Variants in VGLL4 observed in about 807,000 individuals in gnomAD.
The protein encoded by VGLL4 is transcription cofactor vestigial-like protein 4.
A neutral mutation model predicts 21.0 loss-of-function variants in VGLL4; 7 were observed. The observed-to-expected ratio is 0.33, with a 90% CI of 0.19 to 0.63. The LOEUF is 0.63. Among genes scored for constraint, VGLL4 ranks in the 20% least tolerant of loss-of-function variants. The pLI is 0.78. For missense variants in VGLL4, 394 were observed against 425.7 expected, an observed-to-expected ratio of 0.93 and a Z score of 0.66; for synonymous variants, 222 against 173.2, an observed-to-expected ratio of 1.28 and a Z score of -2.21.
At chr3:11,716,738 T>A (rs548568312) in intron 1 of VGLL4, among the ~76,000 whole-genome samples, 23 of 152,182 alleles carry the variant, frequency 1.5e-4, no homozygotes, top group Non-Finnish European at 2.9e-4. Flanking sequence ...ACCTTGGCAG[T>A]TTGTATCTGC....
At position 11,623,633 on chromosome 3, in the gene VGLL4, G is replaced by GT. The variant is rs113728036; in HGVS notation, c.82+19803dup. On this transcript the variant is annotated intron_variant, in intron 1 of 4. Coordinates refer to ENST00000430365, the MANE Select transcript of VGLL4 (RefSeq NM_001128219.3). ...GTCTAACTGTCTGCAGGTGACAAAT[G>GT]TATTTCTGAAAATTAGATAGTAAAT... Among the ~76,000 whole-genome samples, 461 of 152,278 alleles carry GT rather than the reference G, an allele frequency of 3.0e-3. 4 individuals are homozygous for GT. The highest frequency in any genetic ancestry group is 0.01 in the African/African-American group (419 of 41,554).
At chr3:11,573,349 AAGAAAGAAAGAAAGAAAGAAAG>A (rs1559870521) in intron 2 of VGLL4, among the ~76,000 whole-genome samples, 4 of 100,682 alleles carry the variant, frequency 4.0e-5, no homozygotes, top group Non-Finnish European at 7.2e-5. Context: ...GAAAGAAAGA[AAGAAAGAAAGAAAGAAAGAAAG>A]AAAGAAAGAA....
chr3:11,559,280 C>T (rs1226959617), intron 4 of VGLL4, 52 bp downstream of exon 4: 4 of 1,480,178 alleles, frequency 2.7e-6, no homozygotes, highest in Non-Finnish European at 3.6e-6. Flanking sequence ...CAGAGAAGGG[C>T]TCTGCTGCCA....
At chr3:11,704,402 A>G (rs556231677) in intron 1 of VGLL4, among the ~76,000 whole-genome samples, 21,117 of 143,804 alleles carry the variant, frequency 0.15, 2,330 homozygotes, top group African/African-American at 0.29. Context: ...AAAAAAAAAA[A>G]AAAGAAAAAA....
intron 2 of VGLL4, among the ~76,000 whole-genome samples, chr3:11,573,245 G>GAGAAAGAA (rs777365240): frequency 1.8e-4 from 14 of 78,764 alleles, no homozygotes; most frequent in East Asian, 3.8e-4. Context: ...AAAAGAAATA[G>GAGAAAGAA]AGAAAGAAAG....
chr3:11,666,376 T>C (rs2076127623), intron 2 of VGLL4, among the ~76,000 whole-genome samples: 1 of 152,144 alleles, frequency 6.6e-6, no homozygotes, highest in African/African-American at 2.4e-5. Context: ...CTGCATGAGA[T>C]GGGAAGCTCC....
At chr3:11,579,217 TAAAA>T (rs34908529) in intron 2 of VGLL4, among the ~76,000 whole-genome samples, 2 of 134,632 alleles carry the variant, frequency 1.5e-5, no homozygotes, top group African/African-American at 2.8e-5. Flanking sequence ...GCTAACTTTC[TAAAA>T]AAAAAAAAAA....
At chr3:11,692,654 TC>T (rs1316399418) in intron 2 of VGLL4, among the ~76,000 whole-genome samples, 1 of 151,324 alleles carries the variant, frequency 6.6e-6, no homozygotes, top group Non-Finnish European at 1.5e-5. Context: ...GAACTACTGT[TC>T]TGATGATCCC....
Position 11,666,955 on chromosome 3 carries a change from G to A in VGLL4, c.64+36016C>T, listed in dbSNP as rs544322247. On this transcript the variant is annotated intron_variant, in intron 2 of 5. Coordinates refer to the VGLL4 transcript ENST00000273038. The stretch of plus-strand genomic sequence containing the variant: ...CCTCTCCAGCCTCCTTCCTGACTCC[G>A]CTTCCTCATTCCACACACCTTGATG... Among the ~76,000 whole-genome samples the A allele has an allele frequency of 9.2e-5, 14 of 152,156 alleles. No individual in the cohort carries two copies. The South Asian group carries it at 2.3e-3, about 25-fold the overall frequency.
At chr3:11,616,014 C>A (rs958680242) in intron 1 of VGLL4, among the ~76,000 whole-genome samples, 1 of 152,210 alleles carries the variant, frequency 6.6e-6, no homozygotes, top group African/African-American at 2.4e-5. Context: ...CGTGGCCACC[C>A]TGCCTCCCAC....
chr3:11,584,931 C>CACA (rs1400706034), intron 2 of VGLL4, among the ~76,000 whole-genome samples: 2 of 152,140 alleles, frequency 1.3e-5, no homozygotes, highest in East Asian at 3.9e-4. Flanking sequence ...GATCCACCAC[C>CACA]ACCACCACCA....
chr3:11,721,009 A>G (rs1350269540), upstream of VGLL4, among the ~76,000 whole-genome samples: 1 of 152,208 alleles, frequency 6.6e-6, no homozygotes, highest in African/African-American at 2.4e-5. Flanking sequence ...TCCAGCGGCT[A>G]ACTTCATAAA....
intron 2 of VGLL4, among the ~76,000 whole-genome samples, chr3:11,681,969 C>T (rs1484688125): frequency 1.3e-5 from 2 of 152,192 alleles, no homozygotes; most frequent in Non-Finnish European, 2.9e-5. Context: ...AAAAATGATA[C>T]GGGATTTAGG....
intron 2 of VGLL4, among the ~76,000 whole-genome samples, chr3:11,581,537 C>T (rs971158369): frequency 2.0e-5 from 3 of 152,130 alleles, no homozygotes; most frequent in Non-Finnish European, 4.4e-5. Flanking sequence ...AAGGAGGGGA[C>T]AAAAGGGTGG....
intron 2 of VGLL4, among the ~76,000 whole-genome samples, chr3:11,697,166 T>C (rs956730961): frequency 2.0e-5 from 3 of 152,182 alleles, no homozygotes; most frequent in African/African-American, 7.2e-5. Flanking sequence ...AGTGGCGCAA[T>C]CACAGCTCTC....
intron 2 of VGLL4, chr3:11,702,944 C>G: frequency 6.3e-7 from 1 of 1,594,976 alleles, no homozygotes; most frequent in Non-Finnish European, 8.5e-7. Context: ...AGCACTTAAG[C>G]TATTTTATAA....
intron 2 of VGLL4, among the ~76,000 whole-genome samples, chr3:11,601,403 C>A (rs1056572866): frequency 6.6e-6 from 1 of 152,208 alleles, no homozygotes; most frequent in Non-Finnish European, 1.5e-5. Context: ...TGAGTAAGAA[C>A]TTTACAGACG....
chr3:11,634,197 C>G (rs2075541559), intron 1 of VGLL4, among the ~76,000 whole-genome samples: 1 of 152,168 alleles, frequency 6.6e-6, no homozygotes, highest in South Asian at 2.1e-4. Flanking sequence ...GCAGCCGAAG[C>G]TAAGCCTATG....
At chr3:11,717,621 G>A (rs2076937648) in intron 1 of VGLL4, among the ~76,000 whole-genome samples, 1 of 150,128 alleles carries the variant, frequency 6.7e-6, no homozygotes, top group Non-Finnish European at 1.5e-5. Context: ...GATTACATAG[G>A]TGAAACACCG....
Sources: gnomAD v4.1 joint callset for allele counts (sites outside exome capture counted in the v4.1 genomes callset) on GRCh38, gnomAD v4.1.1 for gene constraint, MANE v1.5 for transcripts, NCBI Gene and HGNC (gene_info 2026-07-23, HGNC 2026-07-21) for gene names.